The following CACNG2 variants were observed in gnomAD, a reference collection of about 807,000 sequenced individuals.
CACNG2 encodes the protein calcium voltage-gated channel auxiliary subunit gamma 2, also known as voltage-dependent calcium channel gamma-2 subunit.
Under a neutral mutation model 25.9 loss-of-function variants are expected in CACNG2, and 3 were observed. The observed-to-expected ratio is 0.12, with a 90% confidence interval of 0.05 to 0.30. The LOEUF (loss-of-function observed/expected upper bound fraction) is 0.30, where lower values mean the gene tolerates loss of function less well. Among genes scored for constraint, CACNG2 ranks in the 10% least tolerant of loss-of-function variants. CACNG2 has a pLI of 1.00. For missense variants in CACNG2, 341 were observed against 432.5 expected, an observed-to-expected ratio of 0.79 and a Z score of 1.88; for synonymous variants, 167 against 173.3, an observed-to-expected ratio of 0.96 and a Z score of 0.29.
Position 36,702,767 on chromosome 22 carries a change from G to C in CACNG2, c.-191C>G. On this transcript the variant is annotated 5_prime_UTR_variant, in exon 1 of 4. Transcript: ENST00000300105. ...GAGGTAAGAAAGCTCACGGAAAAGA[G>C]TGTAAATTATAAAGATCACACGGGA... 1 of 543,126 alleles carries C rather than the reference G, an allele frequency of 1.8e-6. No individual in the cohort carries two copies. Among genetic ancestry groups the C allele is most frequent in the South Asian group, 2.5e-5 (1 of 39,806 alleles). The allele number at this position is 543,126 out of a possible 1,614,324, so 33.6% of individuals were successfully genotyped here.
At chr22:36,649,379 C>T in intron 1 of CACNG2, among the ~76,000 whole-genome samples, 1 of 151,774 alleles carries the variant, frequency 6.6e-6, no homozygotes, top group African/African-American at 2.4e-5. Flanking sequence ...GCAACCTCCA[C>T]CTCCCAGATT....
At chr22:36,585,688 C>T (rs1345071362) in intron 2 of CACNG2, among the ~76,000 whole-genome samples, 1 of 152,160 alleles carries the variant, frequency 6.6e-6, no homozygotes, top group African/African-American at 2.4e-5. Context: ...AAAAGTTTGC[C>T]GACCCCTGCT....
chr22:36,646,860 A>G (rs889868314), intron 1 of CACNG2, among the ~76,000 whole-genome samples: 1 of 152,064 alleles, frequency 6.6e-6, no homozygotes, highest in Admixed American at 6.5e-5. Flanking sequence ...TGAAGGAAAG[A>G]ATAAATGAAT....
At chr22:36,588,160 G>A (rs1432647178) in intron 1 of CACNG2, among the ~76,000 whole-genome samples, 1 of 152,158 alleles carries the variant, frequency 6.6e-6, no homozygotes, top group East Asian at 1.9e-4. Context: ...GCTCATTTTG[G>A]TTCCACCACA....
At chr22:36,573,571 A>T (rs977435027) in intron 2 of CACNG2, among the ~76,000 whole-genome samples, 3 of 152,184 alleles carry the variant, frequency 2.0e-5, no homozygotes, top group Non-Finnish European at 4.4e-5. Flanking sequence ...GCCTCAAATG[A>T]TATGCCTGCC....
At chr22:36,612,323 C>T (rs570675121) in intron 1 of CACNG2, among the ~76,000 whole-genome samples, 88 of 152,246 alleles carry the variant, frequency 5.8e-4, no homozygotes, top group South Asian at 1.2e-3. Flanking sequence ...GTACTTTATG[C>T]ATAGTAGGGA....
In CACNG2 at chr22:36,564,471, G is replaced by A; in HGVS notation, c.852C>T (p.Pro284=). 6.2e-7 allele frequency: 1 copy of A among 1,614,160 alleles called. No individual in the cohort carries two copies. Among genetic ancestry groups the A allele is most frequent in the Non-Finnish European group, 8.5e-7 (1 of 1,179,998 alleles). ...CCCTGTCGGAGTTGTAGGTGGCGGTGGGCGTGGTGGCGGCCTTCAGGGGGT... is the reference window on the plus strand; with the variant it reads ...CCCTGTCGGAGTTGTAGGTGGCGGTAGGCGTGGTGGCGGCCTTCAGGGGGT... ...SRDPLKAATT[P]TATYNSDRDN... Residue 284 remains proline (P), a synonymous_variant, in exon 4 of 4, where the codon CCC becomes CCT. Coordinates refer to ENST00000300105, the MANE Select transcript of CACNG2 (RefSeq NM_006078.5). This position sits in a 1 kb window ranked among gnomAD's most constrained non-coding sequence, Gnocchi z 6.7.
chr22:36,636,057 A>G (rs904841222), intron 1 of CACNG2, among the ~76,000 whole-genome samples: 1 of 152,146 alleles, frequency 6.6e-6, no homozygotes, highest in Non-Finnish European at 1.5e-5. Flanking sequence ...TTCGAGATCA[A>G]ATCTGATCAT....
intron 1 of CACNG2, among the ~76,000 whole-genome samples, chr22:36,686,246 A>T (rs1937195312): frequency 6.6e-6 from 1 of 152,186 alleles, no homozygotes. Flanking sequence ...ATACCAAGAC[A>T]ACAGCAACAG....
At chr22:36,583,371 TGCAGTGA>T (rs1011566504) in intron 2 of CACNG2, among the ~76,000 whole-genome samples, 2 of 150,892 alleles carry the variant, frequency 1.3e-5, no homozygotes, top group African/African-American at 4.9e-5. Context: ...AGGCAGAGGT[TGCAGTGA>T]GCCAAGATTG....
chr22:36,653,602 A>G (rs1936655089), intron 1 of CACNG2, among the ~76,000 whole-genome samples: 1 of 137,696 alleles, frequency 7.3e-6, no homozygotes, highest in African/African-American at 3.6e-5. Flanking sequence ...TATAGAAACA[A>G]CAGAGCCGGA....
At chr22:36,672,950 G>C (rs1380515613) in intron 1 of CACNG2, among the ~76,000 whole-genome samples, 2 of 152,182 alleles carry the variant, frequency 1.3e-5, no homozygotes, top group Admixed American at 6.5e-5. Context: ...AGGAGGCTGG[G>C]CACAGTGGCT....
intron 2 of CACNG2, among the ~76,000 whole-genome samples, chr22:36,569,947 G>A (rs1365372412): frequency 6.6e-6 from 1 of 152,210 alleles, no homozygotes; most frequent in Non-Finnish European, 1.5e-5. Context: ...GGTCGGTGTG[G>A]CTTCCGAGGC....
chr22:36,628,902 T>G (rs1387516083), intron 1 of CACNG2, among the ~76,000 whole-genome samples: 1 of 152,092 alleles, frequency 6.6e-6, no homozygotes, highest in Admixed American at 6.6e-5. Context: ...ATAAAAAAGA[T>G]TTACAGGTAA....
intron 1 of CACNG2, among the ~76,000 whole-genome samples, chr22:36,666,565 G>A (rs1936877622): frequency 6.6e-6 from 1 of 152,102 alleles, no homozygotes; most frequent in Admixed American, 6.6e-5. Context: ...CAAAGTTGTA[G>A]TTTTACAAGA....
chr22:36,602,613 T>C (rs1398160498), intron 1 of CACNG2, among the ~76,000 whole-genome samples: 3 of 152,170 alleles, frequency 2.0e-5, no homozygotes, highest in Admixed American at 6.5e-5. Flanking sequence ...CTTGAACTCC[T>C]GACCTCAGGT....
chr22:36,645,644 G>A (rs1198686021), intron 1 of CACNG2, among the ~76,000 whole-genome samples: 1 of 151,930 alleles, frequency 6.6e-6, no homozygotes, highest in Non-Finnish European at 1.5e-5. Context: ...GGGAGAGGGA[G>A]AATATATTTT....
intron 2 of CACNG2, among the ~76,000 whole-genome samples, chr22:36,574,215 G>A (rs551971607): frequency 1.3e-5 from 2 of 152,334 alleles, no homozygotes; most frequent in Admixed American, 1.3e-4. Context: ...TTACGAAGGG[G>A]TCAAGGGTGG....
chr22:36,607,730 C>T (rs1935866295), intron 1 of CACNG2, among the ~76,000 whole-genome samples: 1 of 152,188 alleles, frequency 6.6e-6, no homozygotes, highest in Admixed American at 6.5e-5. Context: ...CACCCCTGCT[C>T]AGAAATCTCA....
Sources: allele counts gnomAD v4.1 joint callset (sites outside exome capture counted in the v4.1 genomes callset), GRCh38; gene constraint gnomAD v4.1.1; non-coding constraint Gnocchi (gnomAD v3.1); transcripts MANE v1.5; gene names NCBI Gene and HGNC (gene_info 2026-07-23, HGNC 2026-07-21).